RIT2: variants seen among roughly 807,000 people sequenced by gnomAD.
RIT2 encodes Ras like without CAAX 2, also known as GTP-binding protein Rit2.
In RIT2, 24 loss-of-function variants were observed where a neutral mutation model predicts 23.7. That is an observed-to-expected ratio of 1.01 (90% CI 0.73 to 1.43). RIT2 has a LOEUF of 1.43. Among genes scored for constraint, RIT2 ranks in the 40% most tolerant of loss-of-function variants. RIT2 has a pLI of 0.00. For missense variants in RIT2, 236 were observed against 266.9 expected, an observed-to-expected ratio of 0.88 and a Z score of 0.81; for synonymous variants, 107 against 91.1, an observed-to-expected ratio of 1.17 and a Z score of -0.99.
rs545882015 is a variant in RIT2 at position 42,937,409 on chromosome 18, A to AT, written c.235-13647dup. ...GTGCCCATGAGGAGAGTACTCTATT[A>AT]TCCAAGTGATTCAAAAATTATTTTT... is the stretch of plus-strand genomic sequence containing the variant. On this transcript the variant is annotated intron_variant, in intron 3 of 4. Transcript: ENST00000326695. Among the ~76,000 whole-genome samples, 363 of 152,264 alleles carry AT rather than the reference A, an allele frequency of 2.4e-3. 1 individual carries two copies. Among genetic ancestry groups the AT allele is most frequent in the African/African-American group, 8.4e-3 (347 of 41,554 alleles).
At chr18:42,835,446 A>C (rs1056935380) in intron 4 of RIT2, among the ~76,000 whole-genome samples, 1 of 152,124 alleles carries the variant, frequency 6.6e-6, no homozygotes, top group Admixed American at 6.6e-5. Flanking sequence ...CCTTGTAAGA[A>C]GATTTCTCCA....
In RIT2 at chr18:42,842,337, T is replaced by C. The variant is rs575595854; in HGVS notation, c.426+81235A>G. On this transcript the variant is annotated intron_variant, in intron 4 of 4. Coordinates refer to ENST00000326695, the MANE Select transcript of RIT2 (RefSeq NM_002930.4). ...TGAGCCTCGTATTATCCAATGTCTG[T>C]CATTTTTTAACAAAATGTATAAATT... Among the ~76,000 whole-genome samples, 59 of 152,240 alleles carry C rather than the reference T, an allele frequency of 3.9e-4. No individual in the cohort carries two copies. The Middle Eastern group carries it at 0.01, about 26-fold the overall frequency.
In RIT2 at chr18:42,859,407, C is replaced by T. The variant is rs548593514; in HGVS notation, c.426+64165G>A. 3.3e-5 allele frequency among the ~76,000 whole-genome samples: 5 copies of T among 152,124 alleles called. No individual in the cohort carries two copies. The East Asian group carries it at 9.6e-4, about 29-fold the overall frequency. On this transcript the variant is annotated intron_variant, in intron 4 of 4. Coordinates refer to ENST00000326695, the MANE Select transcript of RIT2 (RefSeq NM_002930.4). ...TGATTTTTAGATTAGACTATTTGTC[C>T]CTATATTGTTGAGTTGTAAGTGTTC...
chr18:42,850,519 T>C (rs915594760), intron 4 of RIT2, among the ~76,000 whole-genome samples: 1 of 152,192 alleles, frequency 6.6e-6, no homozygotes, highest in Non-Finnish European at 1.5e-5. Flanking sequence ...CTGGCAAAGA[T>C]ATTCCTGAAA....
chr18:42,752,569 G>C (rs188037594), intron 4 of RIT2, among the ~76,000 whole-genome samples: 1 of 152,162 alleles, frequency 6.6e-6, no homozygotes, highest in African/African-American at 2.4e-5. Context: ...CTTCTTTCTT[G>C]CTGTCTCTCA....
At chr18:43,033,899 A>G in intron 1 of RIT2, 32 bp from the exon 2 acceptor site, 3 of 1,425,478 alleles carry the variant, frequency 2.1e-6, no homozygotes, top group Non-Finnish European at 3.0e-6. Context: ...TTGTTTAATA[A>G]AAATTCACTA....
chr18:42,921,869 A>G (rs1909063909), intron 4 of RIT2, among the ~76,000 whole-genome samples: 1 of 152,124 alleles, frequency 6.6e-6, no homozygotes, highest in Non-Finnish European at 1.5e-5. Context: ...AGCACTCTTC[A>G]GAGGAGTATA....
chr18:43,102,957 A>G (rs1390506752), intron 1 of RIT2, among the ~76,000 whole-genome samples: 4 of 152,082 alleles, frequency 2.6e-5, no homozygotes, highest in African/African-American at 4.8e-5. Context: ...CCCGGCCCTT[A>G]ACTCAGCATT....
intron 1 of RIT2, among the ~76,000 whole-genome samples, chr18:43,086,502 C>T (rs1034737574): frequency 1.3e-5 from 2 of 152,102 alleles, no homozygotes; most frequent in African/African-American, 4.8e-5. Context: ...ATGTGAATAG[C>T]AGGGTAAAAC....
At chr18:42,895,588 A>G (rs1395446192) in intron 4 of RIT2, among the ~76,000 whole-genome samples, 1 of 152,204 alleles carries the variant, frequency 6.6e-6, no homozygotes, top group African/African-American at 2.4e-5. Context: ...TAAAAGGGCC[A>G]CTATGTAAAA....
rs556333124 is a variant in RIT2 at position 42,750,938 on chromosome 18, G to A, written c.427-7218C>T. Among the ~76,000 whole-genome samples, 39 of 151,894 alleles carry A rather than the reference G, an allele frequency of 2.6e-4. No homozygotes were observed. In the South Asian group the frequency reaches 7.7e-3, roughly 30 times the overall value. The stretch of plus-strand genomic sequence containing the variant: ...ATATTTGAATTCTAATAAGAAGGAG[G>A]TAGGAAGAAGAATAGTAACAATAAT... On this transcript the variant is annotated intron_variant, in intron 4 of 4. Coordinates refer to ENST00000326695, the MANE Select transcript of RIT2 (RefSeq NM_002930.4).
In RIT2 at chr18:42,881,368, C is replaced by T. The variant is rs371029319; in HGVS notation, c.426+42204G>A. Among the ~76,000 whole-genome samples the T allele has an allele frequency of 1.0e-3, 157 of 152,188 alleles. 3 individuals carry two copies. The South Asian group carries it at 0.031, about 30-fold the overall frequency. On this transcript the variant is annotated intron_variant, in intron 4 of 4. Coordinates refer to ENST00000326695, the MANE Select transcript of RIT2 (RefSeq NM_002930.4). ...ATACTAATAGATTCAAATTTTTACC[C>T]CTTCAATCGATTCTTTATTCAACCT...
chr18:42,785,443 CCTCT>C (rs1342541093), intron 4 of RIT2, among the ~76,000 whole-genome samples: 2 of 135,192 alleles, frequency 1.5e-5, no homozygotes, highest in South Asian at 2.3e-4. Flanking sequence ...AGTTTCTTGG[CCTCT>C]CTTTTTTTTT....
At chr18:42,763,077 GT>G (rs1453150899) in intron 4 of RIT2, among the ~76,000 whole-genome samples, 1 of 152,160 alleles carries the variant, frequency 6.6e-6, no homozygotes, top group East Asian at 1.9e-4. Flanking sequence ...TCATATTGCT[GT>G]GCTGAATACT....
intron 3 of RIT2, among the ~76,000 whole-genome samples, chr18:42,929,055 A>ATATATATATATATT (rs1310407844): frequency 6.9e-6 from 1 of 145,828 alleles, no homozygotes; most frequent in East Asian, 2.0e-4. Flanking sequence ...ATATATATAT[A>ATATATATATATATT]TATTTATATG....
At chr18:42,754,162 C>T (rs573259272) in intron 4 of RIT2, among the ~76,000 whole-genome samples, 4 of 152,256 alleles carry the variant, frequency 2.6e-5, no homozygotes, top group East Asian at 1.9e-4. Context: ...CTTCTTAGCA[C>T]GTCCCTCTTT....
At chr18:42,933,987 C>T (rs1271680636) in intron 3 of RIT2, among the ~76,000 whole-genome samples, 4 of 147,472 alleles carry the variant, frequency 2.7e-5, no homozygotes, top group Non-Finnish European at 4.5e-5. Flanking sequence ...CACTGCACTC[C>T]AGCCTGGTGA....
intron 4 of RIT2, among the ~76,000 whole-genome samples, chr18:42,898,302 G>A (rs759947854): frequency 1.6e-4 from 24 of 152,132 alleles, no homozygotes; most frequent in Non-Finnish European, 2.9e-4. Context: ...GCTGAGTCAT[G>A]AGAATTGCTT....
chr18:42,855,353 T>C (rs1362013252), intron 4 of RIT2, among the ~76,000 whole-genome samples: 1 of 152,198 alleles, frequency 6.6e-6, no homozygotes, highest in Non-Finnish European at 1.5e-5. Flanking sequence ...GAGGTAAATT[T>C]TCATTCCAGA....
Sources: gnomAD v4.1 joint callset for allele counts (sites outside exome capture counted in the v4.1 genomes callset) on GRCh38, gnomAD v4.1.1 for gene constraint, MANE v1.5 for transcripts, NCBI Gene and HGNC (gene_info 2026-07-23, HGNC 2026-07-21) for gene names.